The following MTF2 variants were observed in gnomAD, a reference collection of about 807,000 sequenced individuals.
The protein encoded by MTF2 is metal response element binding transcription factor 2.
In MTF2, 11 loss-of-function variants were observed where a neutral mutation model predicts 79.5. The observed-to-expected ratio is 0.14, with a 90% CI of 0.09 to 0.23. The LOEUF (loss-of-function observed/expected upper bound fraction) is 0.23. MTF2 is among the 10% of genes least tolerant of loss of function. The probability of loss-of-function intolerance (pLI) is 1.00; values close to 1 mark genes in which losing one functional copy is unlikely to be tolerated. For synonymous variants in MTF2, 208 were observed against 232.8 expected, an observed-to-expected ratio of 0.89 and a Z score of 0.97; for missense variants, 486 against 711.2, an observed-to-expected ratio of 0.68 and a Z score of 3.60.
chr1:93,132,093 T>C (rs983498389), intron 11 of MTF2, among the ~76,000 whole-genome samples: 1 of 151,752 alleles, frequency 6.6e-6, no homozygotes, highest in African/African-American at 2.4e-5. Flanking sequence ...ATTTTCTCGA[T>C]GAAATATAAG....
intron 1 of MTF2, among the ~76,000 whole-genome samples, chr1:93,105,954 G>A (rs1460019133): frequency 3.9e-5 from 6 of 152,152 alleles, no homozygotes; most frequent in Admixed American, 2.6e-4. Context: ...AATTACAGGC[G>A]TGAGCCACCA....
intron 9 of MTF2, among the ~76,000 whole-genome samples, chr1:93,122,608 G>GA (rs1282787781): frequency 2.0e-5 from 3 of 151,882 alleles, no homozygotes; most frequent in East Asian, 3.9e-4. Flanking sequence ...TAATGTCTTA[G>GA]AAAAAAAGAA....
At chr1:93,101,355 A>C (rs1655519651) in intron 1 of MTF2, among the ~76,000 whole-genome samples, 1 of 140,142 alleles carries the variant, frequency 7.1e-6, no homozygotes, top group African/African-American at 2.6e-5. Context: ...AACAAAATTT[A>C]CTATCTTAAC....
chr1:93,105,865 G>A (rs144832249), intron 1 of MTF2, among the ~76,000 whole-genome samples: 20 of 152,176 alleles, frequency 1.3e-4, no homozygotes, highest in Admixed American at 3.3e-4. Context: ...AAGTAGAGAC[G>A]TGGTTTGGCC....
Position 93,138,231 on chromosome 1 carries a change from T to A in MTF2, c.*1204T>A, listed in dbSNP as rs1291658262. On this transcript the variant is annotated 3_prime_UTR_variant, in exon 15 of 15. Coordinates refer to ENST00000370298, the MANE Select transcript of MTF2 (RefSeq NM_007358.4). ...TTATTTTACTTGTAAAAAAAAAGTT[T>A]CTTTTATCACCAGTGTTACAGTTGT... 2 of 152,226 alleles carry A rather than the reference T, an allele frequency of 1.3e-5. No individual in the cohort carries two copies. 9.4% of individuals were successfully genotyped at this position (152,226 alleles called of 1,614,324 possible).
At chr1:93,119,225 A>T in intron 7 of MTF2, 108 bp from the exon 8 acceptor site, 1 of 710,208 alleles carries the variant, frequency 1.4e-6, no homozygotes, top group South Asian at 1.9e-5. Flanking sequence ...TTTGAGTATC[A>T]GTCTTTATAT....
At chr1:93,083,125 G>A (rs1029086537) in intron 1 of MTF2, among the ~76,000 whole-genome samples, 11 of 152,204 alleles carry the variant, frequency 7.2e-5, no homozygotes, top group African/African-American at 2.4e-4. Context: ...GAGGCCTCAG[G>A]AAACTTCCTG....
intron 1 of MTF2, among the ~76,000 whole-genome samples, chr1:93,085,505 A>T (rs1200239252): frequency 7.1e-6 from 1 of 141,158 alleles, no homozygotes. Context: ...TCTTCATTAA[A>T]AGAGACAGGG....
chr1:93,121,269 A>G (rs1187139127), intron 9 of MTF2: 2 of 924,576 alleles, frequency 2.2e-6, no homozygotes, highest in Non-Finnish European at 2.6e-6. Context: ...ATGTGTGTTC[A>G]TTAAAGAAAA....
rs755524656 is a variant in MTF2 at position 93,133,988 on chromosome 1, G to C, written c.1319+8G>C. On this transcript the variant is annotated splice_region_variant and intron_variant, in intron 13 of 14. Coordinates refer to ENST00000370298, the MANE Select transcript of MTF2 (RefSeq NM_007358.4). ...TTTACCTTGTTCTATAGGGTAAATA[G>C]AAAGTTATTTTCTCCCTTTCTAGGT... is the stretch of plus-strand genomic sequence containing the variant. 1.8e-5 allele frequency: 28 copies of C among 1,571,172 alleles called. No individual in the cohort carries two copies. In the Middle Eastern group the frequency reaches 1.3e-3, roughly 76 times the overall value.
intron 11 of MTF2, among the ~76,000 whole-genome samples, chr1:93,131,074 T>C (rs1656898325): frequency 6.6e-6 from 1 of 151,982 alleles, no homozygotes; most frequent in Admixed American, 6.6e-5. Context: ...ATCTGATTGA[T>C]AAAAGCTATG....
chr1:93,132,277 A>G (rs192827406), intron 11 of MTF2, among the ~76,000 whole-genome samples: 2 of 152,332 alleles, frequency 1.3e-5, no homozygotes, highest in East Asian at 3.9e-4. Flanking sequence ...AATGAAGGAA[A>G]GAATGCTTAT....
intron 1 of MTF2, among the ~76,000 whole-genome samples, chr1:93,084,008 C>G (rs1338913670): frequency 6.6e-6 from 1 of 152,034 alleles, no homozygotes; most frequent in Non-Finnish European, 1.5e-5. Flanking sequence ...TTTTCACTTT[C>G]CTGATGGTGT....
intron 1 of MTF2, among the ~76,000 whole-genome samples, chr1:93,106,736 GTCT>G (rs1399344135): frequency 6.6e-6 from 1 of 152,122 alleles, no homozygotes; most frequent in Admixed American, 6.5e-5. Flanking sequence ...GGTCAGGCTG[GTCT>G]TGAACTCCCA....
intron 3 of MTF2, among the ~76,000 whole-genome samples, chr1:93,112,968 G>A (rs970113046): frequency 2.2e-4 from 33 of 152,248 alleles, no homozygotes; most frequent in African/African-American, 7.5e-4. Context: ...CGGGGCTGTT[G>A]TTCCATTTCC....
At chr1:93,080,209 A>G (rs1654545696) in intron 1 of MTF2, among the ~76,000 whole-genome samples, 1 of 152,146 alleles carries the variant, frequency 6.6e-6, no homozygotes, top group African/African-American at 2.4e-5. Flanking sequence ...ATTAAACCTA[A>G]CTCATATAAT....
chr1:93,088,444 A>G (rs903817997), intron 1 of MTF2, among the ~76,000 whole-genome samples: 5 of 152,140 alleles, frequency 3.3e-5, no homozygotes, highest in Admixed American at 6.5e-5. Flanking sequence ...TGATGTAAAG[A>G]TTTTACCAGT....
At chr1:93,085,696 C>G (rs1654808240) in intron 1 of MTF2, among the ~76,000 whole-genome samples, 1 of 151,936 alleles carries the variant, frequency 6.6e-6, no homozygotes, top group Admixed American at 6.6e-5. Context: ...GTATGTTGCC[C>G]ATGCTATTCT....
intron 1 of MTF2, among the ~76,000 whole-genome samples, chr1:93,099,891 A>G (rs955986498): frequency 2.6e-5 from 4 of 152,254 alleles, no homozygotes; most frequent in African/African-American, 9.6e-5. Context: ...AAAGTGAATA[A>G]GAAAGGATAT....
Sources: allele counts gnomAD v4.1 joint callset (sites outside exome capture counted in the v4.1 genomes callset), GRCh38; gene constraint gnomAD v4.1.1; transcripts MANE v1.5; gene names NCBI Gene and HGNC (gene_info 2026-07-23, HGNC 2026-07-21).